BAZ2B: variants seen among roughly 807,000 people sequenced by gnomAD.
BAZ2B encodes bromodomain adjacent to zinc finger domain 2B.
Under a neutral mutation model 246.0 loss-of-function variants are expected in BAZ2B, and 91 were observed. That is an observed-to-expected ratio of 0.37 (90% CI 0.31 to 0.44). BAZ2B has a LOEUF of 0.44. Among genes scored for constraint, BAZ2B ranks in the 20% least tolerant of loss-of-function variants. The pLI, the probability that BAZ2B is intolerant of heterozygous loss-of-function variation, is 1.00. For synonymous variants in BAZ2B, 855 were observed against 860.0 expected (o/e 0.99, Z 0.10); for missense variants, 2,332 against 2,533.7 (o/e 0.92, Z 1.71).
the BAZ2B span, among the ~76,000 whole-genome samples, chr2:159,698,153 A>G: frequency 3.9e-5 from 6 of 152,144 alleles, no homozygotes; most frequent in African/African-American, 1.4e-4. Flanking sequence ...CTAATCACCA[A>G]TGCTAGAAGT....
At chr2:159,669,486 T>G in the BAZ2B span, among the ~76,000 whole-genome samples, 1 of 152,188 alleles carries the variant, frequency 6.6e-6, no homozygotes, top group Non-Finnish European at 1.5e-5. Context: ...TTTATAGATT[T>G]TTTTTTTAGT....
chr2:159,670,645 C>T, the BAZ2B span: 121 of 152,214 alleles, frequency 7.9e-4, no homozygotes, highest in African/African-American at 2.7e-3. Context: ...GTTTTAAATA[C>T]CCAAAGGTCA....
the BAZ2B span, among the ~76,000 whole-genome samples, chr2:159,687,876 A>C: frequency 6.6e-6 from 1 of 152,202 alleles, no homozygotes; most frequent in African/African-American, 2.4e-5. Context: ...GGTGGATAGC[A>C]TCAGAACAAA....
intron 1 of BAZ2B, among the ~76,000 whole-genome samples, chr2:159,610,934 C>T (rs1694591290): frequency 6.6e-6 from 1 of 151,956 alleles, no homozygotes; most frequent in Admixed American, 6.6e-5. Context: ...TCTATTATGA[C>T]TGCCACAAAT....
the BAZ2B span, among the ~76,000 whole-genome samples, chr2:159,643,964 C>A: frequency 6.6e-6 from 1 of 151,326 alleles, no homozygotes; most frequent in East Asian, 1.9e-4. Flanking sequence ...TATTATCTAA[C>A]CTGGGTAAAG....
At chr2:159,535,313 G>A (rs2085841198) in intron 2 of BAZ2B, among the ~76,000 whole-genome samples, 1 of 152,202 alleles carries the variant, frequency 6.6e-6, no homozygotes, top group African/African-American at 2.4e-5. Context: ...CTTGAGGTCA[G>A]GAGTTCAAGA....
chr2:159,357,414 A>C (rs1041517014), intron 27 of BAZ2B, among the ~76,000 whole-genome samples: 1 of 152,020 alleles, frequency 6.6e-6, no homozygotes, highest in Admixed American at 6.6e-5. Context: ...TGAAGACAAG[A>C]TTAGAGAAAA....
chr2:159,338,962 T>C (rs1026010718), intron 31 of BAZ2B, among the ~76,000 whole-genome samples: 2 of 152,150 alleles, frequency 1.3e-5, no homozygotes, highest in Non-Finnish European at 2.9e-5. Context: ...TTTCTTATGG[T>C]AGGAACGACA....
intron 27 of BAZ2B, among the ~76,000 whole-genome samples, chr2:159,365,844 C>G (rs921342957): frequency 1.3e-5 from 2 of 151,992 alleles, no homozygotes. Flanking sequence ...CGTGCCTGAC[C>G]AAAAAAAGTG....
At chr2:159,558,265 T>A (rs2089442318) in intron 1 of BAZ2B, among the ~76,000 whole-genome samples, 1 of 152,064 alleles carries the variant, frequency 6.6e-6, no homozygotes, top group South Asian at 2.1e-4. Flanking sequence ...ATTTATTTAT[T>A]TATTTTTTGA....
chr2:159,667,637 TAAATAAAA>T, the BAZ2B span, among the ~76,000 whole-genome samples: 1 of 136,554 alleles, frequency 7.3e-6, no homozygotes. Flanking sequence ...AATAAATAAA[TAAATAAAA>T]GACTCTCCAT....
chr2:159,518,498 C>T (rs1431730035), intron 2 of BAZ2B, among the ~76,000 whole-genome samples: 1 of 152,120 alleles, frequency 6.6e-6, no homozygotes, highest in African/African-American at 2.4e-5. Flanking sequence ...AGAGCTCAGT[C>T]GTCCATATTA....
In BAZ2B at chr2:159,526,146, G is replaced by T. The variant is rs75809468; in HGVS notation, c.-3+29677C>A. ...AGCTGGTTAAACTAGAGAAAGAAAT[G>T]TAAAAATTGTATTGTAGAAGTAAAA... On this transcript the variant is annotated intron_variant, in intron 2 of 36. Transcript: ENST00000392783. 7.1e-3 allele frequency among the ~76,000 whole-genome samples: 1,077 copies of T among 152,216 alleles called. 9 individuals are homozygous for T. The highest frequency in any genetic ancestry group is 0.025 in the African/African-American group (1,030 of 41,544).
the BAZ2B span, among the ~76,000 whole-genome samples, chr2:159,641,706 C>A: frequency 6.6e-6 from 1 of 152,074 alleles, no homozygotes; most frequent in Non-Finnish European, 1.5e-5. Context: ...ACATTTAATT[C>A]TTTAATCCAT....
the BAZ2B span, among the ~76,000 whole-genome samples, chr2:159,657,565 TGACATAATA>T: frequency 2.0e-5 from 3 of 152,226 alleles, no homozygotes; most frequent in Non-Finnish European, 4.4e-5. Flanking sequence ...GCTGACATCT[TGACATAATA>T]GACTCTTCCT....
chr2:159,438,728 C>G (rs771967640), intron 7 of BAZ2B, 33 bp from the exon 8 acceptor site: 1 of 1,537,378 alleles, frequency 6.5e-7, no homozygotes, highest in Non-Finnish European at 8.7e-7. Context: ...AAGTTCCTAA[C>G]ATCTATTAAG....
intron 2 of BAZ2B, among the ~76,000 whole-genome samples, chr2:159,495,173 C>T (rs949955524): frequency 1.3e-5 from 2 of 152,146 alleles, no homozygotes; most frequent in Admixed American, 1.3e-4. Flanking sequence ...TTTTCTCATG[C>T]TCCAAAAAAT....
chr2:159,523,394 C>A (rs1211481297), intron 2 of BAZ2B, among the ~76,000 whole-genome samples: 1 of 148,208 alleles, frequency 6.7e-6, no homozygotes, highest in Non-Finnish European at 1.5e-5. Context: ...AGAGCAAGAC[C>A]CTGTCTCTAA....
rs1559044413 is a variant in BAZ2B at position 159,347,620 on chromosome 2, C to T, written c.5320G>A (p.Glu1774Lys). 1 of 1,610,694 alleles carries T rather than the reference C, an allele frequency of 6.2e-7. No homozygotes were observed. Among genetic ancestry groups the T allele is most frequent in the African/African-American group, 1.3e-5 (1 of 74,912 alleles). Residue 1774 changes from glutamate (E) to lysine (K), a missense_variant, in exon 31 of 37, where the codon GAA becomes AAA. This residue lies in a region of BAZ2B where 676 missense variants were observed against 668.6 expected (regional missense o/e 1.01). Transcript: ENST00000392783. ...DVAIIELNENEENQVTRDIVE... is the reference protein window; with the variant it reads ...DVAIIELNENKENQVTRDIVE... ...ATATCTCGAGTTACTTGGTTTTCTTCATTTTCATTCAGTTCAATAATAGCA... is the reference window on the plus strand; with the variant it reads ...ATATCTCGAGTTACTTGGTTTTCTTTATTTTCATTCAGTTCAATAATAGCA...
Sources: gnomAD v4.1 joint callset for allele counts (sites outside exome capture counted in the v4.1 genomes callset) on GRCh38, gnomAD v4.1.1 for gene constraint, gnomAD v4.1.1 regional missense constraint, MANE v1.5 for transcripts, NCBI Gene and HGNC (gene_info 2026-07-23, HGNC 2026-07-21) for gene names.